The following FSTL4 variants were observed in gnomAD, a reference collection of about 807,000 sequenced individuals.
FSTL4 encodes follistatin like 4.
Under a neutral mutation model 78.2 loss-of-function variants are expected in FSTL4, and 28 were observed. That is an observed-to-expected ratio of 0.36 (90% CI 0.27 to 0.49). FSTL4 has a LOEUF of 0.49. Ranked by LOEUF, FSTL4 falls within the 20% of genes least tolerant of loss-of-function variation. FSTL4 has a pLI of 0.98. For missense variants in FSTL4, 922 were observed against 1,084.9 expected (o/e 0.85, Z 2.11); for synonymous variants, 422 against 440.5 (o/e 0.96, Z 0.53).
chr5:133,806,606 GT>G, the FSTL4 span, among the ~76,000 whole-genome samples: 2 of 152,156 alleles, frequency 1.3e-5, no homozygotes, highest in East Asian at 3.9e-4. Context: ...CCCAAACTGG[GT>G]TGCTGATGCA....
intron 6 of FSTL4, among the ~76,000 whole-genome samples, chr5:133,250,860 T>A (rs181373264): frequency 6.6e-6 from 1 of 152,280 alleles, no homozygotes; most frequent in East Asian, 1.9e-4. Context: ...CAAGCTACGC[T>A]AGGTGCTTCA....
intron 7 of FSTL4, among the ~76,000 whole-genome samples, chr5:133,239,554 T>C (rs56852289): frequency 0.011 from 1,712 of 151,680 alleles, 34 homozygotes; most frequent in African/African-American, 0.04. Context: ...TCATGGTTTG[T>C]GAATGCACCA....
At chr5:133,431,981 G>C (rs1280453883) in intron 3 of FSTL4, among the ~76,000 whole-genome samples, 1 of 152,102 alleles carries the variant, frequency 6.6e-6, no homozygotes. Context: ...AAGTACCCAA[G>C]GGTAGACACA....
At chr5:133,384,075 C>T (rs1417899085) in intron 4 of FSTL4, among the ~76,000 whole-genome samples, 1 of 152,178 alleles carries the variant, frequency 6.6e-6, no homozygotes, top group African/African-American at 2.4e-5. Context: ...TGGCAGAAAG[C>T]ACCTCTGAGG....
the FSTL4 span, among the ~76,000 whole-genome samples, chr5:133,699,709 G>A: frequency 1.3e-5 from 2 of 151,900 alleles, no homozygotes; most frequent in Admixed American, 6.6e-5. Context: ...GTGAAACCTC[G>A]TCTCTACTAA....
intron 3 of FSTL4, among the ~76,000 whole-genome samples, chr5:133,531,583 A>G (rs1759254971): frequency 6.6e-6 from 1 of 152,218 alleles, no homozygotes; most frequent in African/African-American, 2.4e-5. Context: ...GCTCTGGGGA[A>G]TGAACAGCGA....
At chr5:133,517,225 C>T (rs1210063831) in intron 3 of FSTL4, among the ~76,000 whole-genome samples, 1 of 151,186 alleles carries the variant, frequency 6.6e-6, no homozygotes, top group African/African-American at 2.4e-5. Context: ...GAGTTTGAGA[C>T]CAGCCTGGCC....
chr5:133,621,734 T>C, the FSTL4 span, among the ~76,000 whole-genome samples: 1 of 151,646 alleles, frequency 6.6e-6, no homozygotes, highest in Non-Finnish European at 1.5e-5. Flanking sequence ...ACCACCTGTA[T>C]CCCAACAACT....
intron 3 of FSTL4, among the ~76,000 whole-genome samples, chr5:133,531,628 CTG>C (rs887318650): frequency 3.0e-4 from 46 of 152,322 alleles, no homozygotes; most frequent in Middle Eastern, 3.4e-3. Flanking sequence ...TTTGCTAAGA[CTG>C]TGAGCTACAA....
At chr5:133,448,969 T>A (rs1757327509) in intron 3 of FSTL4, among the ~76,000 whole-genome samples, 1 of 152,144 alleles carries the variant, frequency 6.6e-6, no homozygotes, top group Non-Finnish European at 1.5e-5. Context: ...GGGAGGTAAT[T>A]CTGACAACTC....
chr5:133,277,915 C>T (rs1011780813), intron 6 of FSTL4, among the ~76,000 whole-genome samples: 2 of 152,162 alleles, frequency 1.3e-5, no homozygotes, highest in Non-Finnish European at 2.9e-5. Flanking sequence ...AGACGCCACG[C>T]GACAAGGGAT....
chr5:133,508,105 T>C (rs895446201), intron 3 of FSTL4, among the ~76,000 whole-genome samples: 6 of 152,192 alleles, frequency 3.9e-5, no homozygotes, highest in African/African-American at 1.4e-4. Flanking sequence ...CCTCTAATTA[T>C]GTTACTAAGT....
chr5:133,269,583 C>T (rs1395804234), intron 6 of FSTL4, among the ~76,000 whole-genome samples: 2 of 152,242 alleles, frequency 1.3e-5, no homozygotes, highest in Non-Finnish European at 2.9e-5. Context: ...AGGATATGTT[C>T]TTAGGAACTC....
intron 6 of FSTL4, among the ~76,000 whole-genome samples, chr5:133,279,211 A>G (rs552080961): frequency 1.3e-5 from 2 of 152,364 alleles, no homozygotes; most frequent in African/African-American, 4.8e-5. Context: ...CGGGCTGCAC[A>G]GCAGGAGGTG....
Position 133,225,759 on chromosome 5 carries a change from C to A in FSTL4, c.1076G>T (p.Ser359Ile). 1 of 1,610,692 alleles carries A rather than the reference C, an allele frequency of 6.2e-7. No individual in the cohort carries two copies. Among genetic ancestry groups the A allele is most frequent in the Non-Finnish European group, 8.5e-7 (1 of 1,178,348 alleles). ...SQAQEPGVAA[S>I]LRCHAEGIPM... Reference sequence around the variant, plus strand: ...AATGCCCTCAGCATGGCATCTTAGGCTGGCTGCCACTCCAGGCTCCTGTGC... The same window carrying A: ...AATGCCCTCAGCATGGCATCTTAGGATGGCTGCCACTCCAGGCTCCTGTGC... The change falls in exon 9 of 16, where the codon AGC (serine) becomes ATC (isoleucine). Residue 359 changes from serine to isoleucine, a missense_variant. Ser to Ile is a moderately radical substitution (Grantham distance 142, BLOSUM62 -2). Coordinates refer to ENST00000265342, the MANE Select transcript of FSTL4 (RefSeq NM_015082.2). This position sits in a 1 kb window ranked among gnomAD's most constrained non-coding sequence, Gnocchi z 4.6.
the FSTL4 span, among the ~76,000 whole-genome samples, chr5:133,725,457 C>T: frequency 6.6e-6 from 1 of 152,240 alleles, no homozygotes; most frequent in East Asian, 1.9e-4. Flanking sequence ...CACCCACTCC[C>T]TTTCTTCAGG....
At position 133,364,417 on chromosome 5, in the gene FSTL4, G is replaced by A. The variant is rs141448752; in HGVS notation, c.409+36321C>T. ...CTGATCGAGGTGGCAGCAGGCCACC[G>A]CAAAGGAGGAATTGGCAGGGGCTGC... is the stretch of plus-strand genomic sequence containing the variant. On this transcript the variant is annotated intron_variant, in intron 4 of 15. Transcript: ENST00000265342. Among the ~76,000 whole-genome samples the A allele has an allele frequency of 2.1e-3, 322 of 152,290 alleles. 1 individual carries two copies. Among genetic ancestry groups the A allele is most frequent in the African/African-American group, 7.5e-3 (312 of 41,562 alleles).
chr5:133,308,617 G>A (rs931029532), intron 6 of FSTL4, among the ~76,000 whole-genome samples: 7 of 152,176 alleles, frequency 4.6e-5, no homozygotes, highest in Non-Finnish European at 7.3e-5. Flanking sequence ...ATAGTGGTGT[G>A]GTAAACGAAA....
the FSTL4 span, among the ~76,000 whole-genome samples, chr5:133,731,610 G>T: frequency 3.9e-5 from 6 of 152,184 alleles, no homozygotes; most frequent in Non-Finnish European, 8.8e-5. Context: ...CTTGGCTTGG[G>T]TGGGGGGCCA....
Sources: gnomAD v4.1 joint callset for allele counts (sites outside exome capture counted in the v4.1 genomes callset) on GRCh38, gnomAD v4.1.1 for gene constraint, Gnocchi (gnomAD v3.1) non-coding constraint, MANE v1.5 for transcripts, NCBI Gene and HGNC (gene_info 2026-07-23, HGNC 2026-07-21) for gene names.